SERPINB11: variants seen among roughly 807,000 people sequenced by gnomAD.
SERPINB11 encodes serpin family B member 11.
SERPINB11 carries 32 observed loss-of-function variants against 36.7 expected under a neutral mutation model. The observed-to-expected ratio is 0.87, with a 90% CI of 0.66 to 1.17. SERPINB11 has a LOEUF of 1.17. SERPINB11 is among the 50% of genes most tolerant of loss of function. The pLI, the probability that SERPINB11 is intolerant of heterozygous loss-of-function variation, is 0.00. For synonymous variants in SERPINB11, 174 were observed against 168.1 expected, an observed-to-expected ratio of 1.04 and a Z score of -0.27; for missense variants, 528 against 458.4, an observed-to-expected ratio of 1.15 and a Z score of -1.39.
At chr18:63,709,616 T>TAAATAAAATAAAATAAAATA (rs10629688) in intron 1 of SERPINB11, among the ~76,000 whole-genome samples, 11,571 of 143,324 alleles carry the variant, frequency 0.081, 776 homozygotes, top group African/African-American at 0.18. Flanking sequence ...GTCTCAAAAA[T>TAAATAAAATAAAATAAAATA]AAATAAAATA....
chr18:63,720,720 A>T (rs539945384), intron 6 of SERPINB11, 111 bp from the exon 7 acceptor site: 2 of 712,406 alleles, frequency 2.8e-6, no homozygotes, highest in Admixed American at 6.1e-5. Context: ...TTTCTATTTT[A>T]CCCATGCCTT....
At position 63,712,698 on chromosome 18, in the gene SERPINB11, G is replaced by C. The variant is rs115427016; in HGVS notation, c.357+5G>C. ...AAGACGATGGCATTTCATCAGGTAAGTCCATTTGGAAGAGTGATCAACAAC... is the reference window on the plus strand; with the variant it reads ...AAGACGATGGCATTTCATCAGGTAACTCCATTTGGAAGAGTGATCAACAAC... On this transcript the variant is annotated splice_donor_5th_base_variant and intron_variant, in intron 4 of 7. Coordinates refer to ENST00000544088, the MANE Select transcript of SERPINB11 (RefSeq NM_001370475.1). 164 of 1,611,422 alleles carry C rather than the reference G, an allele frequency of 1.0e-4. 1 individual carries two copies. In the African/African-American group the frequency reaches 1.9e-3, roughly 18 times the overall value.
At chr18:63,722,354 T>C (rs1250446703) in intron 7 of SERPINB11, among the ~76,000 whole-genome samples, 2 of 152,166 alleles carry the variant, frequency 1.3e-5, no homozygotes, top group African/African-American at 4.8e-5. Context: ...GAGAGTTCAA[T>C]GCCCGAGGGA....
At chr18:63,707,090 T>C (rs1162842984) in intron 1 of SERPINB11, among the ~76,000 whole-genome samples, 1 of 152,160 alleles carries the variant, frequency 6.6e-6, no homozygotes, top group Non-Finnish European at 1.5e-5. Context: ...GGACATAGAA[T>C]TTCCTCAATT....
intron 5 of SERPINB11, among the ~76,000 whole-genome samples, chr18:63,716,585 G>A (rs954809560): frequency 3.3e-5 from 5 of 152,156 alleles, no homozygotes; most frequent in Non-Finnish European, 7.4e-5. Context: ...CTTTATTCAT[G>A]TAATCTCTCA....
chr18:63,721,215 G>A (rs1914805087), intron 7 of SERPINB11, among the ~76,000 whole-genome samples: 1 of 152,194 alleles, frequency 6.6e-6, no homozygotes, highest in African/African-American at 2.4e-5. Flanking sequence ...AAAGGCACAT[G>A]GAAGCAGAAG....
rs779594525 is a variant in SERPINB11, at chr18:63,712,613, C to G, written c.277C>G (p.Gln93Glu). The part of the protein sequence containing the change: ...IHSEFGVEFS[Q>E]INQPDSNCTL... The stretch of plus-strand genomic sequence containing the variant: ...TTCCGAGTTTGGTGTCGAATTCTCT[C>G]AAATCAACCAGCCAGACTCTAACTG... Residue 93 changes from glutamine (Q) to glutamate (E), a missense_variant, in exon 4 of 8, where the codon CAA becomes GAA. Transcript: ENST00000544088. 2.2e-5 allele frequency: 35 copies of G among 1,613,748 alleles called. No individual in the cohort carries two copies. The South Asian group carries it at 3.6e-4, about 17-fold the overall frequency.
chr18:63,718,589 G>A (rs1277964958), intron 5 of SERPINB11, among the ~76,000 whole-genome samples: 2 of 151,952 alleles, frequency 1.3e-5, no homozygotes, highest in African/African-American at 2.4e-5. Flanking sequence ...TGATGTATAA[G>A]TATATACTTT....
chr18:63,707,209 C>A (rs761614261), intron 1 of SERPINB11, among the ~76,000 whole-genome samples: 2 of 152,160 alleles, frequency 1.3e-5, no homozygotes, highest in Non-Finnish European at 2.9e-5. Context: ...TAGCCCAAAA[C>A]AAGGGAGTGA....
At chr18:63,707,850 G>A (rs1914412466) in intron 1 of SERPINB11, among the ~76,000 whole-genome samples, 1 of 152,162 alleles carries the variant, frequency 6.6e-6, no homozygotes, top group Non-Finnish European at 1.5e-5. Flanking sequence ...TACTATACAG[G>A]GAAGGGAATC....
At chr18:63,709,252 C>G (rs1363079345) in intron 1 of SERPINB11, among the ~76,000 whole-genome samples, 1 of 152,140 alleles carries the variant, frequency 6.6e-6, no homozygotes, top group Non-Finnish European at 1.5e-5. Context: ...ATGGCAGGTC[C>G]TACTTGTTAG....
At chr18:63,717,256 ATATACT>A (rs1333049499) in intron 5 of SERPINB11, among the ~76,000 whole-genome samples, 1 of 152,040 alleles carries the variant, frequency 6.6e-6, no homozygotes, top group Non-Finnish European at 1.5e-5. Flanking sequence ...AATATTCCAA[ATATACT>A]TATCCATTTT....
chr18:63,722,883 GA>G lies in SERPINB11; in HGVS notation c.775-107del, dbSNP rs1263211522. 1.5e-4 allele frequency: 164 copies of G among 1,118,650 alleles called. 2 individuals are homozygous for G. The East Asian group carries it at 4.2e-3, about 29-fold the overall frequency. 69.3% of individuals were successfully genotyped at this position (1,118,650 alleles called of 1,614,324 possible). A position where few individuals can be genotyped will look rare whatever the true frequency, so the allele number is the denominator to read the frequency against. The stretch of plus-strand genomic sequence containing the variant: ...AGGTAAGTAGACTGTATTAAAGGTA[GA>G]AAAAGTGATGAAGTTGAACCACTCA... On this transcript the variant is annotated intron_variant, in intron 7 of 7. Coordinates refer to ENST00000544088, the MANE Select transcript of SERPINB11 (RefSeq NM_001370475.1).
chr18:63,708,468 T>C (rs1054871102), intron 1 of SERPINB11, among the ~76,000 whole-genome samples: 1 of 152,124 alleles, frequency 6.6e-6, no homozygotes, highest in Non-Finnish European at 1.5e-5. Flanking sequence ...CAGGATTTTT[T>C]CATTGATTGA....
intron 3 of SERPINB11, among the ~76,000 whole-genome samples, chr18:63,711,947 G>A (rs779949761): frequency 2.6e-5 from 4 of 152,016 alleles, no homozygotes; most frequent in East Asian, 1.9e-4. Flanking sequence ...CCAGCTTCAC[G>A]GAACCCAACT....
At chr18:63,722,726 T>C (rs1193593862) in intron 7 of SERPINB11, among the ~76,000 whole-genome samples, 1 of 152,188 alleles carries the variant, frequency 6.6e-6, no homozygotes, top group Non-Finnish European at 1.5e-5. Flanking sequence ...AGAAGTGCAG[T>C]GAAGCATGTA....
intron 4 of SERPINB11, among the ~76,000 whole-genome samples, chr18:63,714,063 T>C (rs1010582295): frequency 2.6e-5 from 4 of 152,180 alleles, no homozygotes; most frequent in African/African-American, 9.6e-5. Context: ...GATAATTCAA[T>C]GTAGGTTCTT....
chr18:63,721,753 A>G, intron 7 of SERPINB11, among the ~76,000 whole-genome samples: 1 of 152,278 alleles, frequency 6.6e-6, no homozygotes, highest in African/African-American at 2.4e-5. Flanking sequence ...GCTTCTTGAA[A>G]GAGCAGGGTC....
chr18:63,710,537 C>CT (rs1914495904), intron 2 of SERPINB11, among the ~76,000 whole-genome samples, 176 bp downstream of exon 2: 1 of 152,168 alleles, frequency 6.6e-6, no homozygotes, highest in Non-Finnish European at 1.5e-5. Flanking sequence ...ATGGAGTATG[C>CT]TGTAATGCAA....
Sources: gnomAD v4.1 joint callset for allele counts (sites outside exome capture counted in the v4.1 genomes callset) on GRCh38, gnomAD v4.1.1 for gene constraint, MANE v1.5 for transcripts, NCBI Gene and HGNC (gene_info 2026-07-23, HGNC 2026-07-21) for gene names.